MSH6: variants seen among roughly 807,000 people sequenced by gnomAD.
MSH6 encodes mutS homolog 6.
A neutral mutation model predicts 119.1 loss-of-function variants in MSH6; 85 were observed. That is an observed-to-expected ratio of 0.71 (90% CI 0.60 to 0.85). The LOEUF (loss-of-function observed/expected upper bound fraction) is 0.85, where lower values mean the gene tolerates loss of function less well. Among genes scored for constraint, MSH6 ranks in the 40% least tolerant of loss-of-function variants. MSH6 has a pLI of 0.00. For synonymous variants in MSH6, 830 were observed against 586.9 expected, an observed-to-expected ratio of 1.41 and a Z score of -5.99; for missense variants, 2,163 against 1,655.3, an observed-to-expected ratio of 1.31 and a Z score of -5.32.
chr2:47,800,530 A>G lies in MSH6; in HGVS notation c.2547A>G (p.Thr849=), dbSNP rs769018957. ...DSRAIMYEET[T]YSKKKIIDFL... ...GGGCTATAATGTATGAAGAAACTACATACAGCAAGAAGAAGATTATTGATT... is the reference window on the plus strand; with the variant it reads ...GGGCTATAATGTATGAAGAAACTACGTACAGCAAGAAGAAGATTATTGATT... The change falls in exon 4 of 10, where the codon ACA becomes ACG. Residue 849 remains threonine (T), a synonymous_variant. Coordinates refer to ENST00000234420, the MANE Select transcript of MSH6 (RefSeq NM_000179.3). The G allele has an allele frequency of 5.6e-6, 9 of 1,613,370 alleles. No homozygotes were observed. The highest frequency in any genetic ancestry group is 2.2e-5 in the South Asian group (2 of 91,026).
At chr2:47,805,761 AAAT>A in intron 7 of MSH6, 54 bp downstream of exon 7, 1 of 1,291,396 alleles carries the variant, frequency 7.7e-7, no homozygotes, top group Non-Finnish European at 1.1e-6. Flanking sequence ...ACATTTGTAC[AAAT>A]AACTATTTTT....
intron 1 of MSH6, chr2:47,783,932 G>T (rs1403783017): frequency 2.9e-6 from 3 of 1,028,578 alleles, no homozygotes; most frequent in East Asian, 5.8e-5. Flanking sequence ...AAGGAGGAAT[G>T]CCTGCGGGAG....
intron 4 of MSH6, 118 bp from the exon 5 acceptor site, chr2:47,803,302 C>T (rs1669720810): frequency 2.2e-6 from 3 of 1,333,712 alleles, no homozygotes; most frequent in Admixed American, 1.8e-5. Flanking sequence ...GATCGTTGGA[C>T]TGTAATTGAA....
At chr2:47,805,155 C>G (rs1669898185) in intron 6 of MSH6, 128 bp downstream of exon 6, 2 of 712,762 alleles carry the variant, frequency 2.8e-6, no homozygotes, top group South Asian at 1.6e-5. Flanking sequence ...AAAAACATCA[C>G]TTTTTAAGAA....
intron 3 of MSH6, among the ~76,000 whole-genome samples, chr2:47,796,718 T>C (rs1031342820): frequency 1.3e-5 from 2 of 152,182 alleles, no homozygotes; most frequent in East Asian, 1.9e-4. Context: ...CCCAGCACTT[T>C]AGGAAGCTGA....
intron 1 of MSH6, chr2:47,784,319 T>C (rs1050757250): frequency 3.4e-6 from 3 of 878,904 alleles, no homozygotes; most frequent in African/African-American, 3.6e-5. Flanking sequence ...GAAAATATTT[T>C]ATTTTATGAA....
chr2:47,804,534 GT>G (rs1669832142), intron 5 of MSH6, among the ~76,000 whole-genome samples: 5 of 69,262 alleles, frequency 7.2e-5, no homozygotes, highest in South Asian at 5.0e-4. Context: ...GTGACAACGT[GT>G]AAAAAAAAAA....
chr2:47,783,605 C>G, intron 1 of MSH6, 112 bp downstream of exon 1: 3 of 1,131,986 alleles, frequency 2.7e-6, no homozygotes, highest in Non-Finnish European at 3.5e-6. Context: ...TGGCCCTGGG[C>G]TCGGAGGAGG....
At chr2:47,790,861 A>C (rs1425939107) in intron 1 of MSH6, 66 bp from the exon 2 acceptor site, 6 of 1,383,924 alleles carry the variant, frequency 4.3e-6, no homozygotes, top group Non-Finnish European at 6.2e-6. Context: ...GTTTATTTGT[A>C]GGTAACTGCC....
intron 4 of MSH6, 33 bp downstream of exon 4, chr2:47,801,188 T>C: frequency 6.2e-7 from 1 of 1,602,132 alleles, no homozygotes; most frequent in Non-Finnish European, 8.5e-7. Context: ...TCTCAGGCTT[T>C]GATAAGTAGT....
Position 47,800,954 on chromosome 2 carries a change from C to T in MSH6, c.2971C>T (p.Pro991Ser), listed in dbSNP as rs764249869. The change falls in exon 4 of 10, where the codon CCA (proline) becomes TCA (serine). Residue 991 changes from proline to serine, a missense_variant. Transcript: ENST00000234420. ...TGAGAATTTCACCACTCGCAATTTG[C>T]CAGAAGAATACGAGTTGAAATCTAC... ...IPENFTTRNL[P>S]EEYELKSTKK... is the part of the protein sequence containing the mutation. 6.4e-7 allele frequency: 1 copy of T among 1,568,140 alleles called. No individual in the cohort carries two copies.
chr2:47,789,392 C>G, intron 1 of MSH6: 1 of 452,074 alleles, frequency 2.2e-6, no homozygotes, highest in South Asian at 1.7e-5. Context: ...ATGGTTGGAT[C>G]CAGCTTTTCA....
In MSH6 at chr2:47,783,462, C is replaced by T. The variant is rs745442468; in HGVS notation, c.229C>T (p.Arg77Trp). The T allele has an allele frequency of 3.4e-6, 5 of 1,459,950 alleles. No homozygotes were observed. Among genetic ancestry groups the T allele is most frequent in the Non-Finnish European group, 1.8e-6 (2 of 1,106,664 alleles). 90.4% of individuals were successfully genotyped at this position (1,459,950 alleles called of 1,614,324 possible). A position where few individuals can be genotyped will look rare whatever the true frequency, so the allele number is the denominator to read the frequency against. Residue 77 changes from arginine (R) to tryptophan (W), a missense_variant, in exon 1 of 10, where the codon CGG (arginine) becomes TGG (tryptophan). Coordinates refer to ENST00000234420, the MANE Select transcript of MSH6 (RefSeq NM_000179.3). ...GGCGAAGAACCTCAACGGAGGGCTG[C>T]GGAGATCGGTAGCGCCTGCTGCCCC... ...PKAKNLNGGL[R>W]RSVAPAAPTS...
chr2:47,803,279 T>C (rs1276729577), intron 4 of MSH6, 141 bp from the exon 5 acceptor site: 1 of 1,182,632 alleles, frequency 8.5e-7, no homozygotes, highest in Non-Finnish European at 1.2e-6. Context: ...AGGGTAAGTA[T>C]TTTGATGGGG....
At position 47,799,557 on chromosome 2, in the gene MSH6, G is replaced by C. The variant is rs765387680; in HGVS notation, c.1574G>C (p.Ser525Thr). 1 of 1,614,210 alleles carries C rather than the reference G, an allele frequency of 6.2e-7. No individual in the cohort carries two copies. The highest frequency in any genetic ancestry group is 1.1e-5 in the South Asian group (1 of 91,078). ...RIITKGTQTY[S>T]VLEGDPSENY... ...ATTACCAAGGGTACACAGACTTACA[G>C]TGTGCTGGAAGGTGATCCCTCTGAG... The change falls in exon 4 of 10, where the codon AGT (serine) becomes ACT (threonine). Residue 525 changes from serine (S) to threonine (T), a missense_variant. By Grantham distance (58) the Ser-to-Thr change is moderately conservative (BLOSUM62 1). Coordinates refer to ENST00000234420, the MANE Select transcript of MSH6 (RefSeq NM_000179.3).
chr2:47,803,765 A>G (rs2104489160), intron 5 of MSH6, 80 bp downstream of exon 5: 1 of 1,554,718 alleles, frequency 6.4e-7, no homozygotes, highest in Non-Finnish European at 8.9e-7. Flanking sequence ...CATTTTCCAA[A>G]CACAGTTACA....
rs1396036269 is a variant in MSH6, at chr2:47,800,478, T to A, written c.2495T>A (p.Leu832Gln). Reference sequence around the variant, plus strand: ...AAAATTCATAATGTTGGGTCTCCCCTGAAGAGTCAGAACCACCCAGACAGC... The same window carrying A: ...AAAATTCATAATGTTGGGTCTCCCCAGAAGAGTCAGAACCACCCAGACAGC... The part of the protein sequence containing the change: ...LSKIHNVGSP[L>Q]KSQNHPDSRA... Residue 832 changes from leucine (L) to glutamine (Q), a missense_variant, in exon 4 of 10, where the codon CTG becomes CAG. Coordinates refer to ENST00000234420, the MANE Select transcript of MSH6 (RefSeq NM_000179.3). 1 of 1,613,320 alleles carries A rather than the reference T, an allele frequency of 6.2e-7. No individual in the cohort carries two copies. The highest frequency in any genetic ancestry group is 2.2e-5 in the East Asian group (1 of 44,890).
rs1558662041 is a variant in MSH6, at chr2:47,799,525, T to C, written c.1542T>C (p.Cys514=). The C allele has an allele frequency of 6.2e-7, 1 of 1,614,170 alleles. No homozygotes were observed. The stretch of plus-strand genomic sequence containing the variant: ...ATAGAGTGGTGAGGAGGGAGATCTG[T>C]AGGATCATTACCAAGGGTACACAGA... ...KYDRVVRREI[C]RIITKGTQTY... The change falls in exon 4 of 10, where the codon TGT becomes TGC. Residue 514 remains cysteine, a synonymous_variant. Coordinates refer to ENST00000234420, the MANE Select transcript of MSH6 (RefSeq NM_000179.3).
At chr2:47,808,563 A>T (rs571752775), downstream of MSH6, 19 of 639,726 alleles carry the variant, frequency 3.0e-5, no homozygotes, top group Admixed American at 5.8e-4. Flanking sequence ...GCCCAGATTA[A>T]TTCTGAAAAG....
Sources: allele counts gnomAD v4.1 joint callset (sites outside exome capture counted in the v4.1 genomes callset), GRCh38; gene constraint gnomAD v4.1.1; transcripts MANE v1.5; gene names NCBI Gene and HGNC (gene_info 2026-07-23, HGNC 2026-07-21).